Variants in BAIAP2 observed in about 807,000 individuals in gnomAD.
The protein encoded by BAIAP2 is BAR/IMD domain containing adaptor protein 2.
Under a neutral mutation model 63.0 loss-of-function variants are expected in BAIAP2, and 18 were observed. That is an observed-to-expected ratio of 0.29 (90% confidence interval 0.20 to 0.42). The LOEUF is 0.42. BAIAP2 is among the 10% of genes least tolerant of loss of function. The pLI, the probability that BAIAP2 is intolerant of heterozygous loss-of-function variation, is 1.00. For missense variants in BAIAP2, 610 were observed against 734.3 expected, an observed-to-expected ratio of 0.83 and a Z score of 1.96; for synonymous variants, 386 against 307.6, an observed-to-expected ratio of 1.25 and a Z score of -2.67.
At chr17:81,086,630 C>G in intron 6 of BAIAP2, 50 bp downstream of exon 6, 5 of 1,605,238 alleles carry the variant, frequency 3.1e-6, no homozygotes, top group Admixed American at 1.7e-5. Context: ...CTTGGGACTG[C>G]TCACCCCTCG....
chr17:81,084,746 G>C (rs2055274064), intron 3 of BAIAP2, 86 bp from the exon 4 acceptor site: 3 of 1,370,044 alleles, frequency 2.2e-6, no homozygotes, highest in Non-Finnish European at 3.1e-6. Context: ...GGGCTTCCCT[G>C]GGTGGCTGTC....
chr17:81,070,722 GCAGCCTCCACTC>G (rs544169332), intron 3 of BAIAP2, among the ~76,000 whole-genome samples: 122 of 152,284 alleles, frequency 8.0e-4, no homozygotes, highest in African/African-American at 2.9e-3. Flanking sequence ...GGGGCCCTCT[GCAGCCTCCACTC>G]CAGCCACCCC....
intron 6 of BAIAP2, among the ~76,000 whole-genome samples, chr17:81,092,335 G>A (rs2056916240): frequency 6.6e-6 from 1 of 152,222 alleles, no homozygotes; most frequent in Admixed American, 6.5e-5. Flanking sequence ...TCCACTGCCG[G>A]GCTCATTGTG....
intron 3 of BAIAP2, among the ~76,000 whole-genome samples, chr17:81,058,919 G>A (rs911182308): frequency 2.3e-4 from 35 of 152,180 alleles, no homozygotes; most frequent in Admixed American, 8.5e-4. Flanking sequence ...CAGGCGGTGG[G>A]CTGGGGGGTC....
chr17:81,091,250 C>T (rs972258981), intron 6 of BAIAP2, among the ~76,000 whole-genome samples: 4 of 147,264 alleles, frequency 2.7e-5, no homozygotes, highest in African/African-American at 5.0e-5. Flanking sequence ...GCTTGCCTCG[C>T]GGGGTCTACT....
intron 13 of BAIAP2, among the ~76,000 whole-genome samples, chr17:81,111,705 G>A (rs1307569505): frequency 6.6e-6 from 1 of 152,240 alleles, no homozygotes; most frequent in Non-Finnish European, 1.5e-5. Flanking sequence ...CTCCCCTGGT[G>A]CCTGGTGTAT....
rs2060535483 is a variant in BAIAP2, at chr17:81,116,364, C to T, written c.*525C>T. The T allele has an allele frequency of 6.3e-7, 1 of 1,597,446 alleles. No individual in the cohort carries two copies. Among genetic ancestry groups the T allele is most frequent in the Non-Finnish European group, 8.5e-7 (1 of 1,170,282 alleles). On this transcript the variant is annotated 3_prime_UTR_variant, in exon 14 of 14. Transcript: ENST00000428708. Reference sequence around the variant, plus strand: ...GGCAGCTACACCTGGAGTGTGGGGCCTGGTCCCTCCCCATGCCCCTCGGTG... The same window carrying T: ...GGCAGCTACACCTGGAGTGTGGGGCTTGGTCCCTCCCCATGCCCCTCGGTG...
At chr17:81,105,013 A>C in intron 10 of BAIAP2, 5 of 298,518 alleles carry the variant, frequency 1.7e-5, no homozygotes, top group East Asian at 1.5e-4. Flanking sequence ...ATCTCCCCCA[A>C]TGGCAGGTAT....
intron 13 of BAIAP2, chr17:81,109,174 C>T: frequency 2.1e-6 from 3 of 1,417,206 alleles, no homozygotes; most frequent in Non-Finnish European, 2.8e-6. Context: ...GTCCATGGTG[C>T]TGCTCCATCC....
chr17:81,042,130 CTTTTCTT>C (rs1389024351), intron 1 of BAIAP2, among the ~76,000 whole-genome samples: 9 of 131,958 alleles, frequency 6.8e-5, no homozygotes, highest in South Asian at 2.5e-4. Context: ...TTTTTTTTTT[CTTTTCTT>C]TTTTCTTTTT....
chr17:81,053,682 G>T lies in BAIAP2; in HGVS notation c.69G>T (p.Gln23His). Residue 23 changes from glutamine to histidine, a missense_variant, in exon 2 of 14, where the codon CAG (glutamine) becomes CAT (histidine). Physicochemically the swap from Gln to His is conservative, Grantham distance 24. Coordinates refer to ENST00000428708, the MANE Select transcript of BAIAP2 (RefSeq NM_001144888.2). ...CTTTCTTCCAGACCATCATGGAGCA[G>T]TTCAACCCTAGCCTCCGGAACTTCA... ...TENVYKTIME[Q>H]FNPSLRNFIA... The T allele has an allele frequency of 1.2e-6, 2 of 1,614,172 alleles. No individual in the cohort carries two copies. Among genetic ancestry groups the T allele is most frequent in the African/African-American group, 2.7e-5 (2 of 75,056 alleles).
chr17:81,103,412 A>G lies in BAIAP2; in HGVS notation c.643-90A>G, dbSNP rs2058747895. 4 of 1,234,776 alleles carry G rather than the reference A, an allele frequency of 3.2e-6. No homozygotes were observed. In the African/African-American group the frequency reaches 6.0e-5, roughly 19 times the overall value. The allele number at this position is 1,234,776 out of a possible 1,614,324, so 76.5% of individuals were successfully genotyped here. On this transcript the variant is annotated intron_variant, in intron 7 of 13. Transcript: ENST00000428708. ...GGTGAAGAGCAGCCTCCAGCCCCAGAGAGTGCTCAGGGAGGGCCCTCAGCG... is the reference window on the plus strand; with the variant it reads ...GGTGAAGAGCAGCCTCCAGCCCCAGGGAGTGCTCAGGGAGGGCCCTCAGCG...
At chr17:81,078,861 C>T (rs1008055688) in intron 3 of BAIAP2, among the ~76,000 whole-genome samples, 1 of 152,070 alleles carries the variant, frequency 6.6e-6, no homozygotes, top group Non-Finnish European at 1.5e-5. Flanking sequence ...GGGTGTTTGA[C>T]CTCCAGCCTG....
chr17:81,050,931 A>G (rs1440401864), intron 1 of BAIAP2, among the ~76,000 whole-genome samples: 1 of 151,774 alleles, frequency 6.6e-6, no homozygotes, highest in East Asian at 1.9e-4. Context: ...CTTCACCGCC[A>G]GTCCCGGTCT....
chr17:81,110,859 C>T, intron 13 of BAIAP2: 2 of 1,610,464 alleles, frequency 1.2e-6, no homozygotes. Context: ...TCCTCTGCAC[C>T]CCCGAGTCCT....
At chr17:81,111,765 G>A (rs1340743132) in intron 13 of BAIAP2, among the ~76,000 whole-genome samples, 1 of 152,206 alleles carries the variant, frequency 6.6e-6, no homozygotes, top group African/African-American at 2.4e-5. Context: ...CCCTCATAGG[G>A]GGCCCTTGCC....
chr17:81,054,961 C>G (rs1034163922), intron 2 of BAIAP2, among the ~76,000 whole-genome samples: 1 of 152,164 alleles, frequency 6.6e-6, no homozygotes, highest in Non-Finnish European at 1.5e-5. Context: ...TCTCCCTGTA[C>G]CCTCTACCGT....
At chr17:81,109,538 C>G in intron 13 of BAIAP2, 1 of 985,288 alleles carries the variant, frequency 1.0e-6, no homozygotes, top group Non-Finnish European at 1.2e-6. Context: ...GTGCTGGGGT[C>G]CCTGGCCGCC....
At chr17:81,059,653 G>A (rs1455088562) in intron 3 of BAIAP2, among the ~76,000 whole-genome samples, 2 of 152,010 alleles carry the variant, frequency 1.3e-5, no homozygotes, top group African/African-American at 4.8e-5. Flanking sequence ...GTCTTACTGT[G>A]TTGCCCAGGC....
Sources: gnomAD v4.1 joint callset for allele counts (sites outside exome capture counted in the v4.1 genomes callset) on GRCh38, gnomAD v4.1.1 for gene constraint, MANE v1.5 for transcripts, NCBI Gene and HGNC (gene_info 2026-07-23, HGNC 2026-07-21) for gene names.